COL18A1: variants seen among roughly 807,000 people sequenced by gnomAD.
The protein encoded by COL18A1 is collagen alpha-1(XVIII) chain.
COL18A1 carries 133 observed loss-of-function variants against 168.0 expected under a neutral mutation model. The ratio of observed to expected loss-of-function variants is 0.79; its 90% confidence interval spans 0.69 to 0.91. COL18A1 has a LOEUF of 0.91. Among genes scored for constraint, COL18A1 ranks in the 40% least tolerant of loss-of-function variants. The probability of loss-of-function intolerance (pLI) is 0.00; values close to 1 mark genes in which losing one functional copy is unlikely to be tolerated. For synonymous variants in COL18A1, 949 were observed against 809.0 expected, an observed-to-expected ratio of 1.17 and a Z score of -2.94; for missense variants, 2,126 against 1,925.4, an observed-to-expected ratio of 1.10 and a Z score of -1.95.
At chr21:45,503,892 C>T (rs2037020725) in intron 32 of COL18A1, 119 bp from the exon 33 acceptor site, 1 of 979,944 alleles carries the variant, frequency 1.0e-6, no homozygotes, top group South Asian at 1.3e-5. Flanking sequence ...AATACGCGAT[C>T]TCTACCGCGA....
At chr21:45,486,634 A>G (rs982018571) in intron 15 of COL18A1, among the ~76,000 whole-genome samples, 3 of 152,166 alleles carry the variant, frequency 2.0e-5, no homozygotes, top group Admixed American at 6.5e-5. Context: ...AACCCCGACC[A>G]AGTTCGGGCT....
intron 2 of COL18A1, among the ~76,000 whole-genome samples, chr21:45,422,203 C>G (rs2033647219): frequency 6.6e-6 from 1 of 152,208 alleles, no homozygotes; most frequent in Non-Finnish European, 1.5e-5. Context: ...CACACACAGG[C>G]TCACTGTGAG....
chr21:45,493,758 G>GGCCCCTCGTCCTCTCCCT (rs1234023495), intron 26 of COL18A1, 183 bp downstream of exon 26: 3 of 603,940 alleles, frequency 5.0e-6, no homozygotes, highest in East Asian at 2.8e-5. Flanking sequence ...CGGTTCCGCC[G>GGCCCCTCGTCCTCTCCCT]GCCCCTCGTC....
At position 45,483,021 on chromosome 21, in the gene COL18A1, G is replaced by A. The variant is rs1385919192; in HGVS notation, c.1701+200G>A. ...TCTGTCACTCTGGCGAGGTGGCTTC[G>A]GCCCTTGTCACTTTTGTGATGTGGC... is the stretch of plus-strand genomic sequence containing the variant. On this transcript the variant is annotated intron_variant, in intron 15 of 41. Transcript: ENST00000651438. Among the ~76,000 whole-genome samples, 15 of 152,358 alleles carry A rather than the reference G, an allele frequency of 9.8e-5. No homozygotes were observed. The East Asian group carries it at 2.7e-3, about 27-fold the overall frequency.
At chr21:45,436,169 C>T (rs1343578236) in intron 2 of COL18A1, among the ~76,000 whole-genome samples, 1 of 152,218 alleles carries the variant, frequency 6.6e-6, no homozygotes, top group East Asian at 1.9e-4. Context: ...GCTGCCATCC[C>T]TCTGGTGAAT....
intron 2 of COL18A1, among the ~76,000 whole-genome samples, chr21:45,464,452 ACCGTGTCCATCCC>A (rs1213951270): frequency 1.2e-4 from 18 of 152,302 alleles, no homozygotes; most frequent in African/African-American, 4.3e-4. Context: ...AGGTGGGGGC[ACCGTGTCCATCCC>A]CCCATGGGTT....
chr21:45,485,149 ATTTTTTTT>A (rs751718038), intron 15 of COL18A1, among the ~76,000 whole-genome samples: 1 of 55,052 alleles, frequency 1.8e-5, no homozygotes. Flanking sequence ...CACCTGGCTA[ATTTTTTTT>A]TTTTTTTTTT....
chr21:45,501,555 C>G (rs935740145), intron 32 of COL18A1, among the ~76,000 whole-genome samples: 1 of 152,152 alleles, frequency 6.6e-6, no homozygotes, highest in Non-Finnish European at 1.5e-5. Context: ...AGTCAGAAAC[C>G]CCTGGGAGCT....
rs778236017 is a variant in COL18A1, at chr21:45,491,322, C to T, written c.2157+8C>T. 2.1e-5 allele frequency: 33 copies of T among 1,605,714 alleles called. No individual in the cohort carries two copies. The highest frequency in any genetic ancestry group is 1.7e-4 in the Middle Eastern group (1 of 5,926). ...TACGTGTCGGAGCAGGACGTAAGGACGCTGCGTGGGTGGGCACCCAATCTG... is the reference window on the plus strand; with the variant it reads ...TACGTGTCGGAGCAGGACGTAAGGATGCTGCGTGGGTGGGCACCCAATCTG... On this transcript the variant is annotated splice_region_variant and intron_variant, in intron 22 of 41. Coordinates refer to ENST00000651438, the MANE Select transcript of COL18A1 (RefSeq NM_001379500.1).
Position 45,443,327 on chromosome 21 carries a change from C to T in COL18A1, c.107-24915C>T, listed in dbSNP as rs1378556679. 1.3e-5 allele frequency among the ~76,000 whole-genome samples: 2 copies of T among 152,290 alleles called. No individual in the cohort carries two copies. Among genetic ancestry groups the T allele is most frequent in the Middle Eastern group, 3.4e-3 (1 of 294 alleles). ...TGGGAACCTGGCTGTGTGAGCCTGC[C>T]CTGGGGCCTTCCATGAGAAAACCCA... is the stretch of plus-strand genomic sequence containing the variant. On this transcript the variant is annotated intron_variant, in intron 2 of 41. Coordinates refer to ENST00000651438, the MANE Select transcript of COL18A1 (RefSeq NM_001379500.1). The surrounding 1 kb of genome is among the most constrained non-coding windows in gnomAD (Gnocchi z 5.2).
At position 45,512,270 on chromosome 21, in the gene COL18A1, G is replaced by A; in HGVS notation, c.3892G>A (p.Ala1298Thr). 1.9e-6 allele frequency: 3 copies of A among 1,611,880 alleles called. No homozygotes were observed. Among genetic ancestry groups the A allele is most frequent in the Non-Finnish European group, 1.7e-6 (2 of 1,179,604 alleles). ...CTACTGTGAGACGTGGCGGACGGAG[G>A]CTCCCTCGGCCACGGGCCAGGCCTC... is the stretch of plus-strand genomic sequence containing the variant. ...ESYCETWRTE[A>T]PSATGQASSL... The change falls in exon 42 of 42, where the codon GCT becomes ACT. Residue 1298 changes from alanine (A) to threonine (T), a missense_variant. By Grantham distance (58) the Ala-to-Thr change is moderately conservative. Coordinates refer to ENST00000651438, the MANE Select transcript of COL18A1 (RefSeq NM_001379500.1).
At chr21:45,427,474 G>T (rs977180514) in intron 2 of COL18A1, among the ~76,000 whole-genome samples, 2 of 152,114 alleles carry the variant, frequency 1.3e-5, no homozygotes, top group African/African-American at 4.8e-5. Flanking sequence ...ACCAGACTGT[G>T]TGCCCGGGTG....
intron 6 of COL18A1, 87 bp from the exon 7 acceptor site, chr21:45,477,324 G>T (rs2035712140): frequency 9.5e-7 from 1 of 1,052,484 alleles, no homozygotes; most frequent in East Asian, 2.6e-5. Context: ...GAAAGCGTTT[G>T]GGCTGCCGGG....
chr21:45,501,693 G>A (rs1422566797), intron 32 of COL18A1, among the ~76,000 whole-genome samples: 3 of 147,824 alleles, frequency 2.0e-5, no homozygotes, highest in African/African-American at 7.5e-5. Context: ...GGACCCCCAG[G>A]GGCTCCACAG....
chr21:45,504,631 G>A (rs1372739051), intron 34 of COL18A1, 75 bp downstream of exon 34: 61 of 1,352,196 alleles, frequency 4.5e-5, no homozygotes, highest in South Asian at 1.8e-4. Flanking sequence ...GGTCCAGCCC[G>A]GCCTTCGACA....
At position 45,480,733 on chromosome 21, in the gene COL18A1, C is replaced by A. The variant is rs757040503; in HGVS notation, c.1486C>A (p.Pro496Thr). 1.2e-6 allele frequency: 2 copies of A among 1,610,800 alleles called. No individual in the cohort carries two copies. The highest frequency in any genetic ancestry group is 2.7e-5 in the African/African-American group (2 of 74,918). The change falls in exon 13 of 42, where the codon CCC becomes ACC. Residue 496 changes from proline to threonine, a missense_variant. Transcript: ENST00000651438. ...PRGFPGPPGP[P>T]GVPGLPGEPG... is the part of the protein sequence containing the mutation. Reference sequence around the variant, plus strand: ...AGGCTTCCCTGGACCTCCCGGACCCCCCGGTGTCCCAGGCCTGCCCGGCGA... The same window carrying A: ...AGGCTTCCCTGGACCTCCCGGACCCACCGGTGTCCCAGGCCTGCCCGGCGA...
chr21:45,505,142 G>A lies in COL18A1; in HGVS notation c.2877G>A (p.Lys959=). Residue 959 remains lysine, a synonymous_variant, in exon 35 of 42, where the codon AAG becomes AAA. Transcript: ENST00000651438. Reference sequence around the variant, plus strand: ...CTTGTCGCCGTCCGTAGGGTCCCAAGGGAGAGAGCATCCGGGGCCAGCCCG... The same window carrying A: ...CTTGTCGCCGTCCGTAGGGTCCCAAAGGAGAGAGCATCCGGGGCCAGCCCG... ...PRGYPGIPGP[K]GESIRGQPGP... is the part of the protein sequence containing the mutation. 2 of 1,609,564 alleles carry A rather than the reference G, an allele frequency of 1.2e-6. No individual in the cohort carries two copies. The highest frequency in any genetic ancestry group is 8.5e-7 in the Non-Finnish European group (1 of 1,178,890).
At chr21:45,447,589 A>G (rs1034118684) in intron 2 of COL18A1, among the ~76,000 whole-genome samples, 5 of 152,200 alleles carry the variant, frequency 3.3e-5, no homozygotes, top group African/African-American at 1.2e-4. Context: ...ACTAGAGTCC[A>G]CACAACTCCT....
chr21:45,464,204 G>A (rs939693912), intron 2 of COL18A1, among the ~76,000 whole-genome samples: 22 of 152,320 alleles, frequency 1.4e-4, no homozygotes, highest in Admixed American at 3.3e-4. Flanking sequence ...GGTGGATCCC[G>A]TAGTCCCTCG....
Sources: gnomAD v4.1 joint callset for allele counts (sites outside exome capture counted in the v4.1 genomes callset) on GRCh38, gnomAD v4.1.1 for gene constraint, Gnocchi (gnomAD v3.1) non-coding constraint, MANE v1.5 for transcripts, NCBI Gene and HGNC (gene_info 2026-07-23, HGNC 2026-07-21) for gene names.